Variants in PLCXD3 observed in about 807,000 individuals in gnomAD.
The protein encoded by PLCXD3 is PI-PLC X domain-containing protein 3.
Under a neutral mutation model 25.5 loss-of-function variants are expected in PLCXD3, and 19 were observed. The observed-to-expected ratio is 0.75, with a 90% CI of 0.52 to 1.09. PLCXD3 has a LOEUF of 1.09. PLCXD3 is among the 50% of genes least tolerant of loss of function. PLCXD3 has a pLI of 0.00. For synonymous variants in PLCXD3, 174 were observed against 137.6 expected, an observed-to-expected ratio of 1.26 and a Z score of -1.85; for missense variants, 411 against 388.1, an observed-to-expected ratio of 1.06 and a Z score of -0.50.
chr5:41,480,393 G>GTT (rs564276013), intron 1 of PLCXD3, among the ~76,000 whole-genome samples: 4,133 of 107,802 alleles, frequency 0.038, 113 homozygotes, highest in South Asian at 0.17. Context: ...TAACAAAGTT[G>GTT]TTTTTTTTTT....
intron 1 of PLCXD3, among the ~76,000 whole-genome samples, chr5:41,453,999 T>C (rs557591271): frequency 6.6e-6 from 1 of 152,090 alleles, no homozygotes; most frequent in East Asian, 1.9e-4. Flanking sequence ...AAAATACCTT[T>C]TTTTGGCATG....
At chr5:41,466,085 T>C (rs1055737882) in intron 1 of PLCXD3, among the ~76,000 whole-genome samples, 3 of 152,144 alleles carry the variant, frequency 2.0e-5, no homozygotes, top group Non-Finnish European at 2.9e-5. Flanking sequence ...TGCTTTCTTT[T>C]ATGCTCTCTT....
rs1293604632 is a variant in PLCXD3, at chr5:41,381,931, C to T, written c.707G>A (p.Arg236Lys). The change falls in exon 2 of 3, where the codon AGA becomes AAA. Residue 236 changes from arginine to lysine, a missense_variant. Arg to Lys is a conservative substitution (Grantham distance 26). Coordinates refer to ENST00000377801, the MANE Select transcript of PLCXD3 (RefSeq NM_001005473.3). The stretch of plus-strand genomic sequence containing the variant: ...TATAAAAAACGATCCCTTCTTTCTT[C>T]TCTCAGTGATGGATGCTTGAAGAAA... The part of the protein sequence containing the change: ...IQFLQASITE[R>K]RKKGSFFISQ... 6.2e-7 allele frequency: 1 copy of T among 1,613,416 alleles called. No individual in the cohort carries two copies. The highest frequency in any genetic ancestry group is 2.2e-5 in the East Asian group (1 of 44,816).
chr5:41,426,119 T>G (rs1746950466), intron 1 of PLCXD3, among the ~76,000 whole-genome samples: 1 of 152,162 alleles, frequency 6.6e-6, no homozygotes, highest in Admixed American at 6.5e-5. Flanking sequence ...TATTTGGTAT[T>G]GTCAGTGTTC....
chr5:41,351,477 C>T (rs1190251548), intron 2 of PLCXD3, among the ~76,000 whole-genome samples: 3 of 152,064 alleles, frequency 2.0e-5, no homozygotes, highest in Non-Finnish European at 4.4e-5. Flanking sequence ...CTACTGTGGG[C>T]TTGTGGCAGA....
intron 2 of PLCXD3, among the ~76,000 whole-genome samples, chr5:41,325,176 TGTA>T (rs1289313048): frequency 6.6e-6 from 1 of 152,242 alleles, no homozygotes; most frequent in Non-Finnish European, 1.5e-5. Flanking sequence ...CAAAATAACT[TGTA>T]GTCCTTAGAT....
chr5:41,342,420 T>C (rs1368391620), intron 2 of PLCXD3, among the ~76,000 whole-genome samples: 5 of 152,072 alleles, frequency 3.3e-5, no homozygotes, highest in Admixed American at 6.6e-5. Context: ...CTGTCAATAA[T>C]TAGATTTTAT....
At chr5:41,450,809 A>T (rs1747611897) in intron 1 of PLCXD3, among the ~76,000 whole-genome samples, 1 of 152,210 alleles carries the variant, frequency 6.6e-6, no homozygotes, top group Middle Eastern at 3.4e-3. Context: ...TCTCCTCTAC[A>T]TTCAAGGGAT....
intron 1 of PLCXD3, among the ~76,000 whole-genome samples, chr5:41,495,386 A>G (rs1393279202): frequency 6.6e-6 from 1 of 152,252 alleles, no homozygotes; most frequent in East Asian, 1.9e-4. Flanking sequence ...AAGCTGACAG[A>G]AGCCGACACA....
At chr5:41,337,581 C>A (rs921434900) in intron 2 of PLCXD3, among the ~76,000 whole-genome samples, 2 of 152,116 alleles carry the variant, frequency 1.3e-5, no homozygotes, top group African/African-American at 4.8e-5. Flanking sequence ...TGCTAACAGG[C>A]AGAAGGAATG....
At chr5:41,495,994 T>C (rs550994641) in intron 1 of PLCXD3, among the ~76,000 whole-genome samples, 5 of 152,148 alleles carry the variant, frequency 3.3e-5, no homozygotes, top group South Asian at 2.1e-4. Context: ...CAACAATATA[T>C]ACAAAAAATA....
intron 1 of PLCXD3, among the ~76,000 whole-genome samples, chr5:41,419,137 GGTAATAAT>G (rs148430647): frequency 0.013 from 1,911 of 152,184 alleles, 53 homozygotes; most frequent in African/African-American, 0.044. Context: ...GGGGAAGAAA[GGTAATAAT>G]GTTAAGGAAA....
intron 2 of PLCXD3, among the ~76,000 whole-genome samples, chr5:41,358,708 T>G (rs1395498857): frequency 6.6e-6 from 1 of 152,190 alleles, no homozygotes; most frequent in East Asian, 1.9e-4. Flanking sequence ...TGTCCTTTAT[T>G]TCTTTCTCTT....
At chr5:41,382,910 G>T (rs1293480985) in intron 1 of PLCXD3, among the ~76,000 whole-genome samples, 2 of 152,024 alleles carry the variant, frequency 1.3e-5, no homozygotes, top group African/African-American at 4.8e-5. Flanking sequence ...CAAATACTTT[G>T]CAGTCTTACC....
intron 2 of PLCXD3, among the ~76,000 whole-genome samples, chr5:41,363,583 A>T (rs1257809097): frequency 6.6e-6 from 1 of 152,080 alleles, no homozygotes; most frequent in South Asian, 2.1e-4. Context: ...TCTTTTTAAG[A>T]CTCCTTTATT....
chr5:41,474,125 A>G lies in PLCXD3; in HGVS notation c.103+36299T>C, dbSNP rs112262588. Among the ~76,000 whole-genome samples, 803 of 152,352 alleles carry G rather than the reference A, an allele frequency of 5.3e-3. 3 individuals carry two copies. Among genetic ancestry groups the G allele is most frequent in the Non-Finnish European group, 9.1e-3 (620 of 68,030 alleles). On this transcript the variant is annotated intron_variant, in intron 1 of 2. Coordinates refer to ENST00000377801, the MANE Select transcript of PLCXD3 (RefSeq NM_001005473.3). ...CTTAAGACAAAGGAAACTGTTTTAAAGGAAGGGTCCAGGGGAAGAAGAGAG... is the reference window on the plus strand; with the variant it reads ...CTTAAGACAAAGGAAACTGTTTTAAGGGAAGGGTCCAGGGGAAGAAGAGAG...
At chr5:41,383,334 T>A (rs1745538592) in intron 1 of PLCXD3, among the ~76,000 whole-genome samples, 1 of 152,132 alleles carries the variant, frequency 6.6e-6, no homozygotes, top group South Asian at 2.1e-4. Context: ...GAAGAATTTC[T>A]TCCTAGGAAG....
chr5:41,453,523 A>G (rs542310819), intron 1 of PLCXD3, among the ~76,000 whole-genome samples: 1 of 152,116 alleles, frequency 6.6e-6, no homozygotes, highest in East Asian at 1.9e-4. Context: ...ATGACTCACT[A>G]TATAAACATT....
intron 1 of PLCXD3, among the ~76,000 whole-genome samples, chr5:41,495,794 A>T (rs1366262393): frequency 1.3e-5 from 2 of 152,172 alleles, no homozygotes; most frequent in African/African-American, 4.8e-5. Context: ...TATAAAGATT[A>T]TGAGAGGTGG....
Sources: allele counts gnomAD v4.1 joint callset (sites outside exome capture counted in the v4.1 genomes callset), GRCh38; gene constraint gnomAD v4.1.1; transcripts MANE v1.5; gene names NCBI Gene and HGNC (gene_info 2026-07-23, HGNC 2026-07-21).